ABCC9: variants seen among roughly 807,000 people sequenced by gnomAD.
The protein encoded by ABCC9 is ATP binding cassette subfamily C member 9.
Under a neutral mutation model 188.3 loss-of-function variants are expected in ABCC9, and 95 were observed. The ratio of observed to expected loss-of-function variants is 0.50; its 90% CI spans 0.43 to 0.60. The LOEUF (loss-of-function observed/expected upper bound fraction) is 0.60, where lower values mean the gene tolerates loss of function less well. Among genes scored for constraint, ABCC9 ranks in the 20% least tolerant of loss-of-function variants. The pLI is 0.00. For synonymous variants in ABCC9, 659 were observed against 652.7 expected (o/e 1.01, Z -0.15); for missense variants, 1,102 against 1,876.3 (o/e 0.59, Z 7.62).
chr12:21,823,537 G>C (rs1353599971), intron 31 of ABCC9, among the ~76,000 whole-genome samples: 1 of 152,142 alleles, frequency 6.6e-6, no homozygotes, highest in African/African-American at 2.4e-5. Context: ...TCTTGTGCAA[G>C]CTCACCCTAA....
chr12:21,813,946 G>A (rs1219391203), intron 35 of ABCC9, among the ~76,000 whole-genome samples: 1 of 152,124 alleles, frequency 6.6e-6, no homozygotes, highest in Non-Finnish European at 1.5e-5. Context: ...AGTACAATAA[G>A]TTCGGTCAAA....
intron 7 of ABCC9, among the ~76,000 whole-genome samples, chr12:21,915,450 A>G (rs1372564545): frequency 1.0e-5 from 1 of 98,960 alleles, no homozygotes; most frequent in Non-Finnish European, 2.1e-5. Flanking sequence ...GTATATATGT[A>G]TATATGTGTG....
At chr12:21,811,091 C>A (rs548374474) in intron 36 of ABCC9, among the ~76,000 whole-genome samples, 1 of 152,130 alleles carries the variant, frequency 6.6e-6, no homozygotes, top group African/African-American at 2.4e-5. Context: ...CTGATTAGAT[C>A]ACTGGGGCAG....
At chr12:21,839,140 T>C (rs1418786256) in intron 29 of ABCC9, among the ~76,000 whole-genome samples, 1 of 152,206 alleles carries the variant, frequency 6.6e-6, no homozygotes, top group Non-Finnish European at 1.5e-5. Context: ...GATCAGTTAA[T>C]ATAGTCCATA....
chr12:21,856,652 C>T (rs949583292), intron 22 of ABCC9, among the ~76,000 whole-genome samples: 7 of 152,112 alleles, frequency 4.6e-5, no homozygotes. Context: ...ATAAGTAATG[C>T]CTTTTTCTCA....
intron 4 of ABCC9, among the ~76,000 whole-genome samples, chr12:21,929,831 A>G (rs1398431533): frequency 6.6e-6 from 1 of 152,154 alleles, no homozygotes; most frequent in Non-Finnish European, 1.5e-5. Context: ...TTAATTTTAT[A>G]TATACATATT....
intron 22 of ABCC9, among the ~76,000 whole-genome samples, chr12:21,859,088 A>G (rs1945374945): frequency 6.6e-6 from 1 of 152,156 alleles, no homozygotes; most frequent in African/African-American, 2.4e-5. Flanking sequence ...TTTAGATTCT[A>G]CCTTTACAGA....
intron 5 of ABCC9, among the ~76,000 whole-genome samples, chr12:21,918,184 T>G (rs559540436): frequency 1.3e-5 from 2 of 152,094 alleles, no homozygotes; most frequent in African/African-American, 2.4e-5. Context: ...CAAAGCCGAC[T>G]TCAAGACAAT....
intron 5 of ABCC9, chr12:21,925,262 G>A (rs980910803): frequency 3.6e-5 from 17 of 472,890 alleles, no homozygotes; most frequent in African/African-American, 2.5e-4. Context: ...ATATAGATGC[G>A]TTATATAATT....
At chr12:21,877,706 A>G (rs972029006) in intron 16 of ABCC9, among the ~76,000 whole-genome samples, 2 of 152,206 alleles carry the variant, frequency 1.3e-5, no homozygotes, top group African/African-American at 4.8e-5. Context: ...AGAGGAGACA[A>G]AAGGAGAGAG....
At chr12:21,881,433 C>G (rs1281941604) in intron 16 of ABCC9, among the ~76,000 whole-genome samples, 4 of 151,670 alleles carry the variant, frequency 2.6e-5, no homozygotes, top group African/African-American at 9.7e-5. Context: ...CATGAATGGT[C>G]AATTTTGGAA....
At chr12:21,878,705 G>T (rs189014897) in intron 16 of ABCC9, among the ~76,000 whole-genome samples, 3 of 152,144 alleles carry the variant, frequency 2.0e-5, no homozygotes, top group Non-Finnish European at 1.5e-5. Context: ...GACAGGGAAA[G>T]GTTATGGTCT....
Position 21,895,254 on chromosome 12 carries a change from AAGAG to A in ABCC9, c.1659+17_1659+20del. ...AACACTGACTTGGTTTCATTTCTAA[AAGAG>A]AGAAAAAGTGTCTTACAGCAAGAAC... On this transcript the variant is annotated intron_variant, in intron 13 of 39. Transcript: ENST00000261200. 6.2e-7 allele frequency: 1 copy of A among 1,606,784 alleles called. No individual in the cohort carries two copies. Among genetic ancestry groups the A allele is most frequent in the Non-Finnish European group, 8.5e-7 (1 of 1,173,534 alleles).
At chr12:21,910,648 T>G (rs980670363) in intron 9 of ABCC9, among the ~76,000 whole-genome samples, 178 bp downstream of exon 9, 1 of 151,996 alleles carries the variant, frequency 6.6e-6, no homozygotes, top group East Asian at 1.9e-4. Context: ...TTATTTTTAA[T>G]TCAATAGGTT....
intron 16 of ABCC9, among the ~76,000 whole-genome samples, chr12:21,881,362 G>A (rs570717192): frequency 6.6e-5 from 10 of 152,188 alleles, no homozygotes; most frequent in Admixed American, 2.6e-4. Flanking sequence ...CTGAAACTGC[G>A]GAGGCCATTC....
intron 31 of ABCC9, among the ~76,000 whole-genome samples, chr12:21,819,600 A>G (rs1324110878): frequency 3.3e-5 from 5 of 152,228 alleles, no homozygotes; most frequent in Non-Finnish European, 7.3e-5. Flanking sequence ...CTTGAAAAAT[A>G]GAAATGATGT....
In ABCC9 at chr12:21,820,866, C is replaced by T. The variant is rs901042151; in HGVS notation, c.3670-2615G>A. On this transcript the variant is annotated intron_variant, in intron 31 of 39. Coordinates refer to ENST00000261200, the MANE Select transcript of ABCC9 (RefSeq NM_020297.4). ...CTGTTTTATTTTCCTCAAAGCACTCCGAAGTGTATGAAATTATCTTATTTG... is the reference window on the plus strand; with the variant it reads ...CTGTTTTATTTTCCTCAAAGCACTCTGAAGTGTATGAAATTATCTTATTTG... Among the ~76,000 whole-genome samples, 34 of 152,154 alleles carry T rather than the reference C, an allele frequency of 2.2e-4. 1 individual carries two copies. In the South Asian group the frequency reaches 3.1e-3, roughly 14 times the overall value.
chr12:21,904,225 A>C (rs1205737227), intron 12 of ABCC9, among the ~76,000 whole-genome samples: 2 of 152,240 alleles, frequency 1.3e-5, no homozygotes, highest in East Asian at 3.8e-4. Context: ...GGCTATCCAT[A>C]TGTAGAAAGC....
intron 5 of ABCC9, among the ~76,000 whole-genome samples, chr12:21,921,198 AG>A: frequency 6.6e-6 from 1 of 152,020 alleles, no homozygotes; most frequent in Non-Finnish European, 1.5e-5. Context: ...ATAGTGTACA[AG>A]GGTTTCCTTT....
Sources: gnomAD v4.1 joint callset for allele counts (sites outside exome capture counted in the v4.1 genomes callset) on GRCh38, gnomAD v4.1.1 for gene constraint, MANE v1.5 for transcripts, NCBI Gene and HGNC (gene_info 2026-07-23, HGNC 2026-07-21) for gene names.